FMNL2: variants seen among roughly 807,000 people sequenced by gnomAD.
FMNL2 encodes the protein formin-like protein 2.
FMNL2 carries 51 observed loss-of-function variants against 130.2 expected under a neutral mutation model. That is an observed-to-expected ratio of 0.39 (90% confidence interval 0.31 to 0.49). FMNL2 has a LOEUF of 0.49. Ranked by LOEUF, FMNL2 falls within the 20% of genes least tolerant of loss-of-function variation. The pLI is 0.85. For synonymous variants in FMNL2, 465 were observed against 467.1 expected (o/e 1.00, Z 0.06); for missense variants, 977 against 1,316.2 (o/e 0.74, Z 3.99).
rs778388273 is a variant in FMNL2 at position 152,521,922 on chromosome 2, CTCTT to C, written c.118-19_118-16del. 5.4e-5 allele frequency: 86 copies of C among 1,595,292 alleles called. No individual in the cohort carries two copies. The highest frequency in any genetic ancestry group is 1.7e-4 in the Middle Eastern group (1 of 6,050). On this transcript the variant is annotated splice_polypyrimidine_tract_variant and intron_variant, in intron 1 of 25. Transcript: ENST00000288670. ...TGCTGTGGAATGTGACATCTTTTCT[CTCTT>C]TATTTTTTTTAAACAGAATGCTATG... is the stretch of plus-strand genomic sequence containing the variant.
intron 1 of FMNL2, among the ~76,000 whole-genome samples, chr2:152,363,839 A>T (rs1683331287): frequency 6.6e-6 from 1 of 152,198 alleles, no homozygotes; most frequent in Admixed American, 6.5e-5. Flanking sequence ...CTGGGATTAC[A>T]GATGTGAGCC....
chr2:152,347,110 T>C (rs1334961865), intron 1 of FMNL2, among the ~76,000 whole-genome samples: 1 of 152,112 alleles, frequency 6.6e-6, no homozygotes, highest in African/African-American at 2.4e-5. Context: ...AAATTTTTTT[T>C]TCACAAACCA....
intron 1 of FMNL2, among the ~76,000 whole-genome samples, chr2:152,391,908 GT>G (rs10584642): frequency 0.09 from 9,973 of 111,148 alleles, 559 homozygotes; most frequent in Admixed American, 0.23. Context: ...GCTAGAAGTT[GT>G]TTTTTTTTTT....
Position 152,585,079 on chromosome 2 carries a change from G to A in FMNL2, c.876+4030G>A, listed in dbSNP as rs561932943. Among the ~76,000 whole-genome samples the A allele has an allele frequency of 9.8e-5, 15 of 152,296 alleles. No individual in the cohort carries two copies. The South Asian group carries it at 2.7e-3, about 27-fold the overall frequency. ...TAAGCTTATACTGTGCGTGGTTTGTGACATGCCTGAAAACATGAGTGTATT... is the reference window on the plus strand; with the variant it reads ...TAAGCTTATACTGTGCGTGGTTTGTAACATGCCTGAAAACATGAGTGTATT... On this transcript the variant is annotated intron_variant, in intron 9 of 25. Coordinates refer to ENST00000288670, the MANE Select transcript of FMNL2 (RefSeq NM_052905.4).
chr2:152,397,145 G>A (rs1258923249), intron 1 of FMNL2, among the ~76,000 whole-genome samples: 1 of 152,174 alleles, frequency 6.6e-6, no homozygotes, highest in East Asian at 1.9e-4. Flanking sequence ...AGGATGTTAG[G>A]GTTCACCAAA....
chr2:152,637,647 C>A lies in FMNL2; in HGVS notation c.2919C>A (p.Val973=). The change falls in exon 23 of 26, where the codon GTC becomes GTA. Residue 973 remains valine (V), a synonymous_variant. Transcript: ENST00000288670. ...CACCACCCTCTGTCTTCTTTCCTGT[C>A]TTTGTCCGGTTTGTGAAAGCATATA... The part of the protein sequence containing the change: ...KTTPPSVFFP[V]FVRFVKAYKQ... 6.2e-7 allele frequency: 1 copy of A among 1,613,964 alleles called. No homozygotes were observed. Among genetic ancestry groups the A allele is most frequent in the Non-Finnish European group, 8.5e-7 (1 of 1,179,852 alleles).
intron 1 of FMNL2, among the ~76,000 whole-genome samples, chr2:152,432,151 GGGCCCACA>G (rs1687527524): frequency 6.6e-6 from 1 of 151,748 alleles, no homozygotes; most frequent in African/African-American, 2.4e-5. Flanking sequence ...AAAGAAAAAT[GGGCCCACA>G]GGCTGAATAT....
At chr2:152,406,662 T>C (rs1190250578) in intron 1 of FMNL2, among the ~76,000 whole-genome samples, 1 of 152,192 alleles carries the variant, frequency 6.6e-6, no homozygotes, top group East Asian at 1.9e-4. Context: ...GCTTTTGATA[T>C]TATCACCTCC....
At chr2:152,625,676 G>T (rs892820726) in intron 16 of FMNL2, 114 bp downstream of exon 16, 48 of 1,239,656 alleles carry the variant, frequency 3.9e-5, no homozygotes, top group Non-Finnish European at 4.7e-5. Context: ...TAAGTCCCCT[G>T]ATGTAAAGAA....
intron 1 of FMNL2, among the ~76,000 whole-genome samples, chr2:152,388,512 G>A (rs939250068): frequency 3.9e-5 from 6 of 152,022 alleles, no homozygotes; most frequent in African/African-American, 7.3e-5. Context: ...AACTACCCCC[G>A]TGATTCAATT....
chr2:152,368,554 G>A (rs1269660518), intron 1 of FMNL2, among the ~76,000 whole-genome samples: 1 of 152,000 alleles, frequency 6.6e-6, no homozygotes, highest in East Asian at 1.9e-4. Context: ...TTTTCTGAAG[G>A]ATGGAATAAG....
At chr2:152,594,783 G>A (rs1472578835) in intron 9 of FMNL2, among the ~76,000 whole-genome samples, 1 of 152,164 alleles carries the variant, frequency 6.6e-6, no homozygotes, top group Non-Finnish European at 1.5e-5. Flanking sequence ...CAACACAGTG[G>A]TATATGTGGC....
At chr2:152,396,522 GAA>G (rs887760924) in intron 1 of FMNL2, among the ~76,000 whole-genome samples, 73 of 152,126 alleles carry the variant, frequency 4.8e-4, no homozygotes, top group Non-Finnish European at 8.5e-4. Flanking sequence ...GCTCATTTCC[GAA>G]GATAACATGT....
chr2:152,552,656 C>T (rs1227285504), intron 4 of FMNL2, among the ~76,000 whole-genome samples: 1 of 152,186 alleles, frequency 6.6e-6, no homozygotes, highest in Non-Finnish European at 1.5e-5. Context: ...ATCCCATTCA[C>T]TTACTCTTAG....
chr2:152,366,595 T>G (rs1683566251), intron 1 of FMNL2, among the ~76,000 whole-genome samples: 1 of 152,178 alleles, frequency 6.6e-6, no homozygotes, highest in Non-Finnish European at 1.5e-5. Context: ...CTTGACCAGA[T>G]GCAGGGTCTA....
intron 2 of FMNL2, among the ~76,000 whole-genome samples, chr2:152,534,198 A>C (rs952067954): frequency 2.0e-5 from 3 of 152,184 alleles, no homozygotes; most frequent in Non-Finnish European, 4.4e-5. Flanking sequence ...GTTCACAAGC[A>C]TGCTTTCTTT....
chr2:152,552,399 A>G (rs1225874530), intron 4 of FMNL2, among the ~76,000 whole-genome samples: 1 of 152,212 alleles, frequency 6.6e-6, no homozygotes, highest in Non-Finnish European at 1.5e-5. Context: ...TGATACCCAG[A>G]AATTAAAAAG....
intron 1 of FMNL2, among the ~76,000 whole-genome samples, chr2:152,359,181 T>A (rs544900539): frequency 6.6e-6 from 1 of 152,320 alleles, no homozygotes; most frequent in African/African-American, 2.4e-5. Context: ...GAGATGAATA[T>A]AGATTCGGAT....
chr2:152,589,987 A>ATATCTATGTATATGTATATGTATATG (rs1697322466), intron 9 of FMNL2, among the ~76,000 whole-genome samples: 1 of 55,254 alleles, frequency 1.8e-5, no homozygotes, highest in Non-Finnish European at 3.4e-5. Context: ...ATATATATGT[A>ATATCTATGTATATGTATATGTATATG]TATGTATATG....
Sources: allele counts gnomAD v4.1 joint callset (sites outside exome capture counted in the v4.1 genomes callset), GRCh38; gene constraint gnomAD v4.1.1; transcripts MANE v1.5; gene names NCBI Gene and HGNC (gene_info 2026-07-23, HGNC 2026-07-21).